The following GALNS variants were observed in gnomAD, a reference collection of about 807,000 sequenced individuals.
GALNS encodes galactosamine (N-acetyl)-6-sulfatase, also known as N-acetylgalactosamine-6-sulfatase.
In GALNS, 65 loss-of-function variants were observed where a neutral mutation model predicts 65.9. That is an observed-to-expected ratio of 0.99 (90% CI 0.81 to 1.21). The LOEUF (loss-of-function observed/expected upper bound fraction) is 1.21, where lower values mean the gene tolerates loss of function less well. GALNS is among the 50% of genes most tolerant of loss of function. GALNS has a pLI of 0.00. For synonymous variants in GALNS, 346 were observed against 288.9 expected (o/e 1.20, Z -2.00); for missense variants, 776 against 700.7 (o/e 1.11, Z -1.21).
At chr16:88,839,031 G>C (rs539419831) in intron 4 of GALNS, 1 of 153,918 alleles carries the variant, frequency 6.5e-6, no homozygotes, top group Admixed American at 6.5e-5. Flanking sequence ...TCAGCACTTG[G>C]GCCCATTGCT....
At chr16:88,816,921 G>A (rs1909689991) in intron 13 of GALNS, 2 of 985,360 alleles carry the variant, frequency 2.0e-6, no homozygotes, top group African/African-American at 1.7e-5. Context: ...GTGTAAACAG[G>A]TGAGCGACGG....
intron 1 of GALNS, chr16:88,844,303 T>A (rs1209589654): frequency 6.6e-6 from 1 of 151,874 alleles, no homozygotes; most frequent in Non-Finnish European, 1.5e-5. Context: ...GCAGCGGCGG[T>A]GTTCACTGAA....
chr16:88,856,576 G>A (rs2143013210), intron 1 of GALNS, 182 bp downstream of exon 1: 1 of 555,332 alleles, frequency 1.8e-6, no homozygotes, highest in Non-Finnish European at 3.3e-6. Context: ...TCCCCGCACG[G>A]GGATACCCCC....
intron 13 of GALNS, chr16:88,816,812 C>A: frequency 2.0e-6 from 2 of 985,480 alleles, no homozygotes; most frequent in Non-Finnish European, 2.4e-6. Context: ...TTTTCGCCCG[C>A]ACAGCAGGAG....
intron 6 of GALNS, 93 bp from the exon 7 acceptor site, chr16:88,835,942 G>A (rs1295202581): frequency 1.9e-6 from 3 of 1,576,944 alleles, no homozygotes; most frequent in African/African-American, 2.7e-5. Flanking sequence ...ACGGGGCGAG[G>A]TTGGTGCGGT....
At chr16:88,815,656 TG>T in intron 13 of GALNS, 1 of 985,476 alleles carries the variant, frequency 1.0e-6, no homozygotes, top group Non-Finnish European at 1.2e-6. Context: ...CGCATGGCCC[TG>T]AGGGCACTTT....
chr16:88,835,863 C>A lies in GALNS; in HGVS notation c.634-14G>T. 1 of 1,613,882 alleles carries A rather than the reference C, an allele frequency of 6.2e-7. No individual in the cohort carries two copies. ...GTCCAGGGCTTCCTATGGAGAGAGCCACACCGTCGTCCTCCAGCCTCAGGC... is the reference window on the plus strand; with the variant it reads ...GTCCAGGGCTTCCTATGGAGAGAGCAACACCGTCGTCCTCCAGCCTCAGGC... On this transcript the variant is annotated splice_polypyrimidine_tract_variant and intron_variant, in intron 6 of 13. Coordinates refer to ENST00000268695, the MANE Select transcript of GALNS (RefSeq NM_000512.5).
chr16:88,840,153 A>G (rs773078026), intron 4 of GALNS, among the ~76,000 whole-genome samples: 2 of 152,152 alleles, frequency 1.3e-5, no homozygotes, highest in Non-Finnish European at 2.9e-5. Context: ...TCATCTGAAG[A>G]ATGATGAAGT....
At chr16:88,826,435 C>T (rs1910930897) in intron 10 of GALNS, among the ~76,000 whole-genome samples, 1 of 152,046 alleles carries the variant, frequency 6.6e-6, no homozygotes, top group South Asian at 2.1e-4. Flanking sequence ...GGGATGAGGC[C>T]CCTCTCCTGG....
intron 1 of GALNS, chr16:88,843,265 G>C: frequency 8.0e-7 from 1 of 1,242,496 alleles, no homozygotes; most frequent in Non-Finnish European, 1.1e-6. Flanking sequence ...AAGTCAACTG[G>C]TAACTGTCCC....
In GALNS at chr16:88,818,118, G is replaced by A. The variant is rs1909831495; in HGVS notation, c.1371C>T (p.Ala457=). 1 of 1,572,270 alleles carries A rather than the reference G, an allele frequency of 6.4e-7. No individual in the cohort carries two copies. Among genetic ancestry groups the A allele is most frequent in the Non-Finnish European group, 8.6e-7 (1 of 1,166,796 alleles). Residue 457 remains alanine, a synonymous_variant, in exon 13 of 14, where the codon GCC becomes GCT. Coordinates refer to ENST00000268695, the MANE Select transcript of GALNS (RefSeq NM_000512.5). ...DPGERFPLSF[A]SAEYQEALSR... ...TGAGGGCCTCCTGGTACTCGGCGCTGGCAAAGCTGGGGACAGAGAGCTCTG... is the reference window on the plus strand; with the variant it reads ...TGAGGGCCTCCTGGTACTCGGCGCTAGCAAAGCTGGGGACAGAGAGCTCTG...
chr16:88,825,552 G>A lies in GALNS; in HGVS notation c.1140-683C>T, dbSNP rs3052235. The stretch of plus-strand genomic sequence containing the variant: ...GGGCAGCCGGGGCTGGGGTGCCTGG[G>A]TGTCCGGGACTGGGATTCCTGGGCA... On this transcript the variant is annotated intron_variant, in intron 10 of 13. Transcript: ENST00000268695. 1.7e-4 allele frequency among the ~76,000 whole-genome samples: 14 copies of A among 84,638 alleles called. No homozygotes were observed. In the East Asian group the frequency reaches 4.2e-3, roughly 26 times the overall value. The allele number at this position is 84,638 out of a possible 152,430, so 55.5% of individuals were successfully genotyped here. A position where few individuals can be genotyped will look rare whatever the true frequency, so the allele number is the denominator to read the frequency against.
At chr16:88,833,077 CAAAAAAAA>C (rs869226834) in intron 8 of GALNS, among the ~76,000 whole-genome samples, 2 of 74,656 alleles carry the variant, frequency 2.7e-5, no homozygotes, top group African/African-American at 1.1e-4. Context: ...GACTCCTTCT[CAAAAAAAA>C]AAAAAAAAAA....
At chr16:88,855,184 A>G (rs1202002535) in intron 1 of GALNS, 2 of 675,812 alleles carry the variant, frequency 3.0e-6, no homozygotes, top group Admixed American at 4.1e-5. Context: ...TATTTCGACA[A>G]GTCTTCAACA....
At chr16:88,830,977 C>G (rs1911442226) in intron 9 of GALNS, among the ~76,000 whole-genome samples, 1 of 152,212 alleles carries the variant, frequency 6.6e-6, no homozygotes, top group Admixed American at 6.5e-5. Context: ...CACCAGCATG[C>G]TAAAGGCACT....
In GALNS at chr16:88,848,774, T is replaced by TGCTGACTG. The variant is rs141879230; in HGVS notation, c.121-5953_121-5946dup. ...CTCACCGGGGGCGGGGGTGGCAGCG[T>TGCTGACTG]GCTGACTGGGAACGGCTGCTGGAGG... is the stretch of plus-strand genomic sequence containing the variant. On this transcript the variant is annotated intron_variant, in intron 1 of 13. Coordinates refer to ENST00000268695, the MANE Select transcript of GALNS (RefSeq NM_000512.5). Among the ~76,000 whole-genome samples the TGCTGACTG allele has an allele frequency of 6.7e-3, 1,016 of 152,198 alleles. 17 individuals carry two copies. Among genetic ancestry groups the TGCTGACTG allele is most frequent in the African/African-American group, 0.024 (977 of 41,512 alleles).
At chr16:88,854,157 G>A (rs189359932) in intron 1 of GALNS, among the ~76,000 whole-genome samples, 2 of 152,208 alleles carry the variant, frequency 1.3e-5, no homozygotes, top group Admixed American at 6.5e-5. Context: ...ATGCACACTC[G>A]TCCTCAAGTG....
At chr16:88,848,811 G>C (rs1032136022) in intron 1 of GALNS, among the ~76,000 whole-genome samples, 2 of 152,220 alleles carry the variant, frequency 1.3e-5, no homozygotes, top group Admixed American at 6.5e-5. Context: ...ATGGGCGCTG[G>C]GCCCCGGGGA....
intron 6 of GALNS, 131 bp downstream of exon 6, chr16:88,836,070 G>A (rs1357407901): frequency 2.7e-6 from 3 of 1,091,026 alleles, no homozygotes; most frequent in Non-Finnish European, 4.1e-6. Context: ...AGGGTGATGA[G>A]GTCCCTGAAC....
Sources: gnomAD v4.1 joint callset for allele counts (sites outside exome capture counted in the v4.1 genomes callset) on GRCh38, gnomAD v4.1.1 for gene constraint, MANE v1.5 for transcripts, NCBI Gene and HGNC (gene_info 2026-07-23, HGNC 2026-07-21) for gene names.